USP31: variants seen among roughly 807,000 people sequenced by gnomAD.
USP31 encodes ubiquitin specific peptidase 31, also known as ubiquitin carboxyl-terminal hydrolase 31.
USP31 carries 44 observed loss-of-function variants against 119.4 expected under a neutral mutation model. The observed-to-expected ratio is 0.37, with a 90% CI of 0.29 to 0.47. USP31 has a LOEUF of 0.47. Among genes scored for constraint, USP31 ranks in the 20% least tolerant of loss-of-function variants. The probability of loss-of-function intolerance (pLI) is 0.99; values close to 1 mark genes in which losing one functional copy is unlikely to be tolerated. For missense variants in USP31, 1,643 were observed against 1,730.2 expected (o/e 0.95, Z 0.89); for synonymous variants, 749 against 705.6 (o/e 1.06, Z -0.97).
rs1183571632 is a variant in USP31, at chr16:23,062,947, T to C, written c.*5099A>G. On this transcript the variant is annotated 3_prime_UTR_variant, in exon 16 of 16. Transcript: ENST00000219689. ...CTCGCCATAATTCTCAGTAAAGGGA[T>C]GACGTATCATAGTGGTTCTCAATCT... 6.5e-6 allele frequency: 1 copy of C among 152,674 alleles called. No individual in the cohort carries two copies. The highest frequency in any genetic ancestry group is 2.4e-5 in the African/African-American group (1 of 41,460). 9.5% of individuals were successfully genotyped at this position (152,674 alleles called of 1,614,324 possible).
chr16:23,068,634 C>T lies in USP31; in HGVS notation c.3471G>A (p.Glu1157=). The stretch of plus-strand genomic sequence containing the variant: ...CAGAACCCAAGCTTTGTCTGGAGCC[C>T]TCTCTACTCAAGCTGTGGTCTGAAG... ...SRTSDHSLSR[E]GSRQSLGSDR... The change falls in exon 16 of 16, where the codon GAG becomes GAA. Residue 1157 remains glutamate, a synonymous_variant. Transcript: ENST00000219689. 1 of 1,614,224 alleles carries T rather than the reference C, an allele frequency of 6.2e-7. No homozygotes were observed. The highest frequency in any genetic ancestry group is 8.5e-7 in the Non-Finnish European group (1 of 1,180,036).
intron 1 of USP31, among the ~76,000 whole-genome samples, chr16:23,137,966 G>T (rs766079306): frequency 1.3e-5 from 2 of 152,062 alleles, no homozygotes; most frequent in Non-Finnish European, 2.9e-5. Context: ...ATCCAAAGTG[G>T]TCTGACCAGA....
At chr16:23,096,016 T>C (rs1901591333) in intron 6 of USP31, among the ~76,000 whole-genome samples, 1 of 152,150 alleles carries the variant, frequency 6.6e-6, no homozygotes, top group Non-Finnish European at 1.5e-5. Flanking sequence ...TAAATGTAAA[T>C]GGGCTAAATG....
chr16:23,077,087 G>A (rs1247889182), intron 13 of USP31, among the ~76,000 whole-genome samples: 3 of 152,190 alleles, frequency 2.0e-5, no homozygotes, highest in Non-Finnish European at 4.4e-5. Flanking sequence ...CAAAGTACAA[G>A]GCAAAATATA....
chr16:23,148,743 C>A lies in USP31; in HGVS notation c.528G>T (p.Ala176=). 1.3e-6 allele frequency: 2 copies of A among 1,494,774 alleles called. No individual in the cohort carries two copies. The highest frequency in any genetic ancestry group is 1.8e-6 in the Non-Finnish European group (2 of 1,125,890). 92.6% of individuals were successfully genotyped at this position (1,494,774 alleles called of 1,614,324 possible). A position where few individuals can be genotyped will look rare whatever the true frequency, so the allele number is the denominator to read the frequency against. ...PEPSPDPEQP[A]GRGAQGQGEV... The stretch of plus-strand genomic sequence containing the variant: ...CGCCCTGGCCCTGCGCGCCGCGGCC[C>A]GCAGGCTGCTCCGGGTCAGGCGAGG... Residue 176 remains alanine, a synonymous_variant, in exon 1 of 16, where the codon GCG becomes GCT. Coordinates refer to ENST00000219689, the MANE Select transcript of USP31 (RefSeq NM_020718.4).
In USP31 at chr16:23,105,513, G is replaced by C; in HGVS notation, c.1017C>G (p.Ala339=). Residue 339 remains alanine, a synonymous_variant, in exon 5 of 16, where the codon GCC becomes GCG. Transcript: ENST00000219689. ...KCSHCMRIGV[A]VPLSGTVARL... is the part of the protein sequence containing the mutation. The stretch of plus-strand genomic sequence containing the variant: ...TGGCGACAGTCCCAGACAGAGGTAC[G>C]GCCACACCAATCCTCATGCAGTGAG... 1 of 1,614,094 alleles carries C rather than the reference G, an allele frequency of 6.2e-7. No homozygotes were observed. The highest frequency in any genetic ancestry group is 8.5e-7 in the Non-Finnish European group (1 of 1,179,994).
At chr16:23,127,623 C>A (rs1311277333) in intron 1 of USP31, among the ~76,000 whole-genome samples, 2 of 150,506 alleles carry the variant, frequency 1.3e-5, no homozygotes, top group Non-Finnish European at 3.0e-5. Context: ...CCTACCACTG[C>A]GCCTGGCTAA....
rs1033666037 is a variant in USP31, at chr16:23,075,884, G to A, written c.2177-2004C>T. Among the ~76,000 whole-genome samples the A allele has an allele frequency of 9.2e-5, 14 of 152,114 alleles. 1 individual carries two copies. Among genetic ancestry groups the A allele is most frequent in the Admixed American group, 7.9e-4 (12 of 15,280 alleles). The stretch of plus-strand genomic sequence containing the variant: ...GAGGACTGCTTGAGATATGGAGTTC[G>A]AGACCAGTCTGGACAACATAGTATA... On this transcript the variant is annotated intron_variant, in intron 13 of 15. Transcript: ENST00000219689.
chr16:23,134,674 T>TAAAA (rs371982166), intron 1 of USP31, among the ~76,000 whole-genome samples: 6 of 86,820 alleles, frequency 6.9e-5, no homozygotes, highest in East Asian at 3.3e-4. Flanking sequence ...GAAACAAAGC[T>TAAAA]AAAAAAAAAA....
intron 1 of USP31, among the ~76,000 whole-genome samples, chr16:23,118,786 T>C (rs539704973): frequency 6.6e-6 from 1 of 152,220 alleles, no homozygotes; most frequent in Admixed American, 6.5e-5. Context: ...ATTACGCTTA[T>C]TGCTTATAGA....
rs1006526732 is a variant in USP31 at position 23,067,076 on chromosome 16, T to C, written c.*970A>G. The stretch of plus-strand genomic sequence containing the variant: ...AGGGCATCGTGGAGCTTCCCACCTC[T>C]AACGGAAAAATGCAACACCTGACAA... On this transcript the variant is annotated 3_prime_UTR_variant, in exon 16 of 16. Transcript: ENST00000219689. 1 of 152,276 alleles carries C rather than the reference T, an allele frequency of 6.6e-6. No individual in the cohort carries two copies. The highest frequency in any genetic ancestry group is 2.4e-5 in the African/African-American group (1 of 41,428). The allele number at this position is 152,276 out of a possible 1,614,324, so 9.4% of individuals were successfully genotyped here.
chr16:23,064,915 C>G lies in USP31; in HGVS notation c.*3131G>C, dbSNP rs1489563169. The stretch of plus-strand genomic sequence containing the variant: ...TAGCACACCACAAATACTCCCACAT[C>G]CGTTCCCACTGGTCCAGCATATTAT... On this transcript the variant is annotated 3_prime_UTR_variant, in exon 16 of 16. Transcript: ENST00000219689. 6.6e-6 allele frequency: 1 copy of G among 152,222 alleles called. No individual in the cohort carries two copies. The highest frequency in any genetic ancestry group is 1.5e-5 in the Non-Finnish European group (1 of 68,038). 9.4% of individuals were successfully genotyped at this position (152,222 alleles called of 1,614,324 possible).
chr16:23,106,140 C>A (rs1596715125), intron 4 of USP31, 73 bp downstream of exon 4: 2 of 1,511,458 alleles, frequency 1.3e-6, no homozygotes, highest in Non-Finnish European at 1.8e-6. Context: ...GTAAGAAGAC[C>A]TAATAGGAGC....
chr16:23,082,617 GGACTAAT>G lies in USP31; in HGVS notation c.1831-67_1831-61del, dbSNP rs1440356841. On this transcript the variant is annotated intron_variant, in intron 11 of 15. Coordinates refer to ENST00000219689, the MANE Select transcript of USP31 (RefSeq NM_020718.4). The stretch of plus-strand genomic sequence containing the variant: ...CTTAATGCAAGACTGTGTTACAGCT[GGACTAAT>G]GCCTTAGCCAGGGCATGGTGCAACT... 1.1e-5 allele frequency: 17 copies of G among 1,606,320 alleles called. No individual in the cohort carries two copies. The African/African-American group carries it at 2.3e-4, about 21-fold the overall frequency.
In USP31 at chr16:23,079,837, C is replaced by T. The variant is rs1900737485; in HGVS notation, c.2176+109G>A. 3 of 1,036,748 alleles carry T rather than the reference C, an allele frequency of 2.9e-6. No homozygotes were observed. In the South Asian group the frequency reaches 5.5e-5, roughly 19 times the overall value. 64.2% of individuals were successfully genotyped at this position (1,036,748 alleles called of 1,614,324 possible). A position where few individuals can be genotyped will look rare whatever the true frequency, so the allele number is the denominator to read the frequency against. ...ATGGAAACTGCCCTCACAGTTGGCACACTGCCTACCGGAGGGGAAATGAGG... is the reference window on the plus strand; with the variant it reads ...ATGGAAACTGCCCTCACAGTTGGCATACTGCCTACCGGAGGGGAAATGAGG... On this transcript the variant is annotated intron_variant, in intron 13 of 15. Transcript: ENST00000219689.
intron 6 of USP31, among the ~76,000 whole-genome samples, chr16:23,097,647 C>G (rs1389934396): frequency 1.3e-5 from 2 of 152,190 alleles, no homozygotes; most frequent in Non-Finnish European, 2.9e-5. Context: ...GGCTTCATCC[C>G]TGGGATGCAA....
rs1900063504 is a variant in USP31 at position 23,066,242 on chromosome 16, C to T, written c.*1804G>A. On this transcript the variant is annotated 3_prime_UTR_variant, in exon 16 of 16. Coordinates refer to ENST00000219689, the MANE Select transcript of USP31 (RefSeq NM_020718.4). ...TCACATGGAGCACTGTGGTAACTTT[C>T]ACAAGGCTAAATGTCTAAATCTTAA... The T allele has an allele frequency of 6.6e-6, 1 of 152,582 alleles. No individual in the cohort carries two copies. 9.5% of individuals were successfully genotyped at this position (152,582 alleles called of 1,614,324 possible).
intron 5 of USP31, among the ~76,000 whole-genome samples, chr16:23,104,624 T>G (rs1008238607): frequency 6.6e-6 from 1 of 152,228 alleles, no homozygotes; most frequent in Non-Finnish European, 1.5e-5. Context: ...TGTTTTACTG[T>G]GGTAACTTCC....
At chr16:23,137,873 A>G (rs1903241526) in intron 1 of USP31, among the ~76,000 whole-genome samples, 1 of 152,178 alleles carries the variant, frequency 6.6e-6, no homozygotes, top group Non-Finnish European at 1.5e-5. Flanking sequence ...GCAAAGTGAT[A>G]TCATATAAAT....
Sources: allele counts gnomAD v4.1 joint callset (sites outside exome capture counted in the v4.1 genomes callset), GRCh38; gene constraint gnomAD v4.1.1; transcripts MANE v1.5; gene names NCBI Gene and HGNC (gene_info 2026-07-23, HGNC 2026-07-21).